Variants in PLCL2 observed in about 807,000 individuals in gnomAD.
PLCL2 encodes the protein inactive phospholipase C-like protein 2.
Under a neutral mutation model 79.6 loss-of-function variants are expected in PLCL2, and 4 were observed. The observed-to-expected ratio is 0.05, with a 90% CI of 0.02 to 0.11. The LOEUF is 0.11. Among genes scored for constraint, PLCL2 ranks in the 10% least tolerant of loss-of-function variants. PLCL2 has a pLI of 1.00. For synonymous variants in PLCL2, 484 were observed against 457.7 expected (o/e 1.06, Z -0.73); for missense variants, 895 against 1,291.0 (o/e 0.69, Z 4.70).
intron 5 of PLCL2, among the ~76,000 whole-genome samples, chr3:17,074,246 C>A (rs1245318195): frequency 1.3e-5 from 2 of 152,148 alleles, no homozygotes; most frequent in Non-Finnish European, 2.9e-5. Context: ...CTTGTGCATC[C>A]CTATCAGAGT....
At chr3:17,028,420 C>T (rs1399502294) in intron 3 of PLCL2, among the ~76,000 whole-genome samples, 2 of 152,064 alleles carry the variant, frequency 1.3e-5, no homozygotes, top group African/African-American at 4.8e-5. Context: ...TGCTATTCAC[C>T]TCCTTCTTAT....
chr3:17,042,470 G>A (rs530711063), intron 3 of PLCL2, among the ~76,000 whole-genome samples: 1 of 152,180 alleles, frequency 6.6e-6, no homozygotes, highest in Non-Finnish European at 1.5e-5. Flanking sequence ...GCTGAAATGA[G>A]TGAAGTGTGT....
chr3:17,047,600 A>G (rs1438041944), intron 4 of PLCL2, among the ~76,000 whole-genome samples: 1 of 152,246 alleles, frequency 6.6e-6, no homozygotes, highest in Admixed American at 6.5e-5. Flanking sequence ...ATTACCCTTC[A>G]TTTTAATCAA....
At chr3:16,995,563 GTTGTTCAC>G (rs1368410203) in intron 1 of PLCL2, among the ~76,000 whole-genome samples, 1 of 152,148 alleles carries the variant, frequency 6.6e-6, no homozygotes, top group African/African-American at 2.4e-5. Flanking sequence ...CCATGTAATT[GTTGTTCAC>G]TCTGATTGGC....
intron 1 of PLCL2, among the ~76,000 whole-genome samples, chr3:16,968,467 C>T (rs1007964685): frequency 2.6e-5 from 4 of 152,036 alleles, no homozygotes; most frequent in Non-Finnish European, 4.4e-5. Flanking sequence ...TTGGAATTCT[C>T]ATTGTAGAGA....
intron 5 of PLCL2, among the ~76,000 whole-genome samples, chr3:17,071,105 A>G (rs937180840): frequency 6.6e-6 from 1 of 152,190 alleles, no homozygotes; most frequent in African/African-American, 2.4e-5. Context: ...TCCTAGAATC[A>G]AAAGCTTTCC....
intron 4 of PLCL2, chr3:17,043,905 C>G (rs190778055): frequency 2.6e-5 from 4 of 152,274 alleles, no homozygotes; most frequent in African/African-American, 9.6e-5. Context: ...TACTTCTAGT[C>G]CTTTGCAGGC....
rs751240748 is a variant in PLCL2, at chr3:17,009,754, A to C, written c.408A>C (p.Ala136=). Residue 136 remains alanine (A), a synonymous_variant, in exon 2 of 6, where the codon GCA becomes GCC. Transcript: ENST00000615277. The surrounding 1 kb of genome is among the most constrained non-coding windows in gnomAD (Gnocchi z 4.0). ...CAACAGAGAAGAAGATCAGCAGTGCAAGTGATTGTATTAATTCAATGGTTG... is the reference window on the plus strand; with the variant it reads ...CAACAGAGAAGAAGATCAGCAGTGCCAGTGATTGTATTAATTCAATGGTTG... The part of the protein sequence containing the change: ...SMPTEKKISS[A]SDCINSMVEG... 2 of 1,613,598 alleles carry C rather than the reference A, an allele frequency of 1.2e-6. No individual in the cohort carries two copies. Among genetic ancestry groups the C allele is most frequent in the African/African-American group, 2.7e-5 (2 of 74,924 alleles).
At chr3:17,042,977 A>G (rs758809770) in intron 4 of PLCL2, 28 bp downstream of exon 4, 4 of 1,432,516 alleles carry the variant, frequency 2.8e-6, no homozygotes, top group Non-Finnish European at 3.9e-6. Flanking sequence ...TCCTCTCTTT[A>G]AATGAAATTA....
chr3:17,081,224 C>T (rs1375258384), intron 5 of PLCL2: 2 of 456,640 alleles, frequency 4.4e-6, no homozygotes, highest in African/African-American at 4.0e-5. Flanking sequence ...TTTTGTGCCT[C>T]AGACTCCCAT....
intron 1 of PLCL2, among the ~76,000 whole-genome samples, chr3:16,979,664 C>T (rs180733373): frequency 0.22 from 31,049 of 140,152 alleles, 3,744 homozygotes; most frequent in East Asian, 0.52. Flanking sequence ...GTAAGGTCAC[C>T]GATCAACAGG....
At chr3:16,907,746 G>A (rs148241780) in intron 1 of PLCL2, among the ~76,000 whole-genome samples, 1 of 152,168 alleles carries the variant, frequency 6.6e-6, no homozygotes, top group Admixed American at 6.5e-5. Context: ...ATAATTATTA[G>A]CAATTTTTTT....
At chr3:16,943,517 A>G (rs1477594068) in intron 1 of PLCL2, among the ~76,000 whole-genome samples, 1 of 152,190 alleles carries the variant, frequency 6.6e-6, no homozygotes, top group East Asian at 1.9e-4. Context: ...TTTACAAACA[A>G]TGCATATTTA....
intron 4 of PLCL2, among the ~76,000 whole-genome samples, chr3:17,052,015 AG>A (rs1460714693): frequency 6.6e-6 from 1 of 152,112 alleles, no homozygotes; most frequent in Non-Finnish European, 1.5e-5. Context: ...CTATATGGAA[AG>A]GATTATTAAT....
Position 17,012,091 on chromosome 3 carries a change from C to T in PLCL2, c.2745C>T (p.Thr915=), listed in dbSNP as rs1359522675. Reference sequence around the variant, plus strand: ...CTTTGAGAACACTGTGGATTAAAACCGTGGATGAGGTATTCAAGAATGCCC... The same window carrying T: ...CTTTGAGAACACTGTGGATTAAAACTGTGGATGAGGTATTCAAGAATGCCC... ...YASLRTLWIK[T]VDEVFKNAQP... Residue 915 remains threonine, a synonymous_variant, in exon 2 of 6, where the codon ACC becomes ACT. Coordinates refer to ENST00000615277, the MANE Select transcript of PLCL2 (RefSeq NM_001144382.2). 8.7e-6 allele frequency: 14 copies of T among 1,614,106 alleles called. No individual in the cohort carries two copies. The highest frequency in any genetic ancestry group is 3.3e-4 in the Middle Eastern group (2 of 6,062).
rs571970962 is a variant in PLCL2, at chr3:16,913,516, T to C, written c.327+28150T>C. Among the ~76,000 whole-genome samples the C allele has an allele frequency of 2.1e-4, 32 of 152,178 alleles. No individual in the cohort carries two copies. In the South Asian group the frequency reaches 6.6e-3, roughly 32 times the overall value. On this transcript the variant is annotated intron_variant, in intron 1 of 5. Coordinates refer to ENST00000615277, the MANE Select transcript of PLCL2 (RefSeq NM_001144382.2). ...TGATTAGTAAGCAAACGAATTAATA[T>C]TTTAATGGTTGACTGCCTTCTGATA...
At chr3:17,066,616 TAAAC>T (rs2065013580) in intron 4 of PLCL2, among the ~76,000 whole-genome samples, 1 of 152,222 alleles carries the variant, frequency 6.6e-6, no homozygotes, top group Non-Finnish European at 1.5e-5. Context: ...CAAAAGTTTT[TAAAC>T]AATGCAACGT....
chr3:16,952,116 G>A (rs1559496245), intron 1 of PLCL2, among the ~76,000 whole-genome samples: 1 of 151,672 alleles, frequency 6.6e-6, no homozygotes, highest in African/African-American at 2.4e-5. Flanking sequence ...ACTCATAAGT[G>A]GGAGTTGAAC....
chr3:16,987,963 G>A (rs9881521), intron 1 of PLCL2, among the ~76,000 whole-genome samples: 91,512 of 152,038 alleles, frequency 0.6, 28,052 homozygotes, highest in African/African-American at 0.71. Context: ...TGTGTGCTTT[G>A]TAAGGATTTT....
Sources: gnomAD v4.1 joint callset for allele counts (sites outside exome capture counted in the v4.1 genomes callset) on GRCh38, gnomAD v4.1.1 for gene constraint, Gnocchi (gnomAD v3.1) non-coding constraint, MANE v1.5 for transcripts, NCBI Gene and HGNC (gene_info 2026-07-23, HGNC 2026-07-21) for gene names.